MAF: variants seen among roughly 807,000 people sequenced by gnomAD.
MAF encodes MAF bZIP transcription factor, also known as transcription factor Maf.
MAF carries 10 observed loss-of-function variants against 22.0 expected under a neutral mutation model. The ratio of observed to expected loss-of-function variants is 0.45; its 90% CI spans 0.28 to 0.77. MAF has a LOEUF of 0.77. MAF is among the 30% of genes least tolerant of loss of function. The probability of loss-of-function intolerance (pLI) is 0.12; values close to 1 mark genes in which losing one functional copy is unlikely to be tolerated. For missense variants in MAF, 544 were observed against 548.4 expected, an observed-to-expected ratio of 0.99 and a Z score of 0.08; for synonymous variants, 337 against 255.8, an observed-to-expected ratio of 1.32 and a Z score of -3.03.
the MAF span, among the ~76,000 whole-genome samples, chr16:79,425,741 CCTAT>C: frequency 6.7e-6 from 1 of 150,360 alleles, no homozygotes; most frequent in African/African-American, 2.5e-5. Context: ...TAGCTACATT[CCTAT>C]CTAATTCAGT....
the MAF span, among the ~76,000 whole-genome samples, chr16:79,466,920 G>A: frequency 1.1e-4 from 16 of 152,156 alleles, no homozygotes; most frequent in African/African-American, 3.6e-4. Context: ...AGGGGACCAC[G>A]GAGGAATCAG....
the MAF span, among the ~76,000 whole-genome samples, chr16:79,449,927 T>C: frequency 6.6e-6 from 1 of 152,254 alleles, no homozygotes; most frequent in Non-Finnish European, 1.5e-5. Flanking sequence ...CAACTTTTTA[T>C]GACATTTTGA....
At chr16:79,442,803 T>C in the MAF span, among the ~76,000 whole-genome samples, 1 of 152,108 alleles carries the variant, frequency 6.6e-6, no homozygotes, top group Non-Finnish European at 1.5e-5. Context: ...GAGACACAAA[T>C]AGGGCAGAGG....
the MAF span, among the ~76,000 whole-genome samples, chr16:79,388,145 A>G: frequency 3.3e-5 from 5 of 152,222 alleles, no homozygotes; most frequent in African/African-American, 1.2e-4. Context: ...GGTATGCAAG[A>G]TGTATGAAGA....
At chr16:79,403,148 A>T in the MAF span, among the ~76,000 whole-genome samples, 56,002 of 152,112 alleles carry the variant, frequency 0.37, 11,505 homozygotes, top group East Asian at 0.69. Context: ...ACATCATCGC[A>T]TAATAGCCAG....
At chr16:79,497,979 C>A in the MAF span, among the ~76,000 whole-genome samples, 1 of 151,174 alleles carries the variant, frequency 6.6e-6, no homozygotes, top group African/African-American at 2.4e-5. Context: ...CTGAGAGTAA[C>A]AAGATATGCA....
At chr16:79,282,815 A>G in the MAF span, among the ~76,000 whole-genome samples, 29,019 of 152,114 alleles carry the variant, frequency 0.19, 3,418 homozygotes, top group East Asian at 0.61. Context: ...GAGGAGAATG[A>G]TTTTGGGTGC....
the MAF span, among the ~76,000 whole-genome samples, chr16:79,238,978 G>C: frequency 6.6e-6 from 1 of 151,948 alleles, no homozygotes; most frequent in Non-Finnish European, 1.5e-5. Flanking sequence ...GTCTCATCCT[G>C]TCACATCTTG....
the MAF span, among the ~76,000 whole-genome samples, chr16:79,263,193 C>T: frequency 6.6e-6 from 1 of 152,250 alleles, no homozygotes; most frequent in African/African-American, 2.4e-5. Context: ...TCTAGGGAGG[C>T]CGGGAAATGG....
the MAF span, chr16:79,202,914 A>C: frequency 6.6e-6 from 1 of 152,244 alleles, no homozygotes; most frequent in Admixed American, 6.5e-5. Context: ...TAATATTTGC[A>C]TGATAGAATG....
At chr16:79,311,717 G>T in the MAF span, among the ~76,000 whole-genome samples, 5 of 152,084 alleles carry the variant, frequency 3.3e-5, no homozygotes, top group Non-Finnish European at 5.9e-5. Flanking sequence ...TGGATGTTTG[G>T]TTTTTTCCCC....
the MAF span, among the ~76,000 whole-genome samples, chr16:79,370,811 C>G: frequency 6.6e-6 from 1 of 152,168 alleles, no homozygotes; most frequent in African/African-American, 2.4e-5. Context: ...TCACCCCTGC[C>G]CCCACCCTCC....
the MAF span, among the ~76,000 whole-genome samples, chr16:79,222,562 A>T: frequency 2.6e-5 from 4 of 152,216 alleles, no homozygotes; most frequent in African/African-American, 9.6e-5. Flanking sequence ...TAAATGCTCC[A>T]ATTAAAAGAC....
At chr16:79,567,384 C>T in the MAF span, among the ~76,000 whole-genome samples, 1 of 152,048 alleles carries the variant, frequency 6.6e-6, no homozygotes, top group African/African-American at 2.4e-5. Context: ...TGATTACTAC[C>T]TTAGTTTGAT....
chr16:79,380,751 A>G, the MAF span, among the ~76,000 whole-genome samples: 1 of 152,348 alleles, frequency 6.6e-6, no homozygotes, highest in East Asian at 1.9e-4. Flanking sequence ...TAGAGCTAGT[A>G]TAATAAATGG....
the MAF span, among the ~76,000 whole-genome samples, chr16:79,459,182 T>A: frequency 1.3e-5 from 2 of 152,162 alleles, no homozygotes; most frequent in Admixed American, 6.5e-5. Flanking sequence ...AACTACAGAT[T>A]TGTCTCACAT....
the MAF span, among the ~76,000 whole-genome samples, chr16:79,319,678 A>G: frequency 6.0e-5 from 9 of 150,418 alleles, 1 homozygote. Flanking sequence ...ATGTATTTGC[A>G]TATTCATTTC....
At chr16:79,311,674 G>A in the MAF span, among the ~76,000 whole-genome samples, 2 of 152,066 alleles carry the variant, frequency 1.3e-5, no homozygotes, top group Non-Finnish European at 2.9e-5. Flanking sequence ...AGAAATTTCT[G>A]CCGTTTCACT....
At chr16:79,333,351 A>G in the MAF span, among the ~76,000 whole-genome samples, 22 of 152,130 alleles carry the variant, frequency 1.4e-4, no homozygotes, top group African/African-American at 4.8e-4. Flanking sequence ...TCTGCCTGTC[A>G]GAAGTAGTCA....
Sources: allele counts gnomAD v4.1 joint callset (sites outside exome capture counted in the v4.1 genomes callset), GRCh38; gene constraint gnomAD v4.1.1; transcripts MANE v1.5; gene names NCBI Gene and HGNC (gene_info 2026-07-23, HGNC 2026-07-21).